CLSTN2: variants seen among roughly 807,000 people sequenced by gnomAD.
CLSTN2 encodes the protein calsyntenin-2.
Under a neutral mutation model 101.2 loss-of-function variants are expected in CLSTN2, and 48 were observed. That is an observed-to-expected ratio of 0.47 (90% CI 0.38 to 0.60). CLSTN2 has a LOEUF of 0.60. Among genes scored for constraint, CLSTN2 ranks in the 20% least tolerant of loss-of-function variants. The pLI is 0.00. For missense variants in CLSTN2, 1,160 were observed against 1,238.2 expected, an observed-to-expected ratio of 0.94 and a Z score of 0.95; for synonymous variants, 481 against 463.6, an observed-to-expected ratio of 1.04 and a Z score of -0.48.
chr3:140,410,381 A>G (rs1324724901), intron 4 of CLSTN2, among the ~76,000 whole-genome samples: 2 of 148,856 alleles, frequency 1.3e-5, no homozygotes, highest in East Asian at 2.0e-4. Flanking sequence ...AAATAATAGA[A>G]TTATATATTT....
chr3:140,465,978 G>A (rs538515525), intron 7 of CLSTN2, among the ~76,000 whole-genome samples: 1 of 152,292 alleles, frequency 6.6e-6, no homozygotes, highest in East Asian at 1.9e-4. Flanking sequence ...AGCAGGAAAG[G>A]AAGTTTCTAC....
intron 1 of CLSTN2, among the ~76,000 whole-genome samples, chr3:139,981,353 G>A (rs1170392133): frequency 6.6e-6 from 1 of 152,176 alleles, no homozygotes; most frequent in Non-Finnish European, 1.5e-5. Context: ...TAAAGTTTAA[G>A]CTTCTTCACA....
At chr3:140,394,925 C>T (rs536222460) in intron 2 of CLSTN2, among the ~76,000 whole-genome samples, 99 of 152,248 alleles carry the variant, frequency 6.5e-4, no homozygotes, top group African/African-American at 2.4e-3. Flanking sequence ...ATTCCAGAAC[C>T]ACTGGGCACC....
rs148933671 is a variant in CLSTN2, at chr3:140,574,067, A to G, written c.*7814A>G. ...GACTTAGCTATTGTGGCACCACGGG[A>G]GCCTAGCACTGCACCTGGCCCATGA... On this transcript the variant is annotated 3_prime_UTR_variant, in exon 17 of 17. Transcript: ENST00000458420. The G allele has an allele frequency of 5.3e-5, 8 of 152,336 alleles. No individual in the cohort carries two copies. The highest frequency in any genetic ancestry group is 1.7e-4 in the African/African-American group (7 of 41,576). 9.4% of individuals were successfully genotyped at this position (152,336 alleles called of 1,614,324 possible). A position where few individuals can be genotyped will look rare whatever the true frequency, so the allele number is the denominator to read the frequency against.
In CLSTN2 at chr3:140,372,527, G is replaced by C. The variant is rs139737338; in HGVS notation, c.233-31102G>C. On this transcript the variant is annotated intron_variant, in intron 2 of 16. Coordinates refer to ENST00000458420, the MANE Select transcript of CLSTN2 (RefSeq NM_022131.3). ...CAGTAACATTAGGCGATGTGGTGTTGCCAGCTGTGATGCACTAAAATTCCC... is the reference window on the plus strand; with the variant it reads ...CAGTAACATTAGGCGATGTGGTGTTCCCAGCTGTGATGCACTAAAATTCCC... 3.0e-3 allele frequency among the ~76,000 whole-genome samples: 455 copies of C among 152,182 alleles called. 3 individuals are homozygous for C. Among genetic ancestry groups the C allele is most frequent in the Middle Eastern group, 0.014 (4 of 294 alleles).
Position 140,566,318 on chromosome 3 carries a change from T to TGTAA in CLSTN2, c.*67_*68insAAGT. ...TAAACCCTGACCCAGTGTATGCCCA[T>TGTAA]GTCTATCATACCTCACCTCTGATGT... On this transcript the variant is annotated 3_prime_UTR_variant, in exon 17 of 17. Transcript: ENST00000458420. 1 of 1,442,358 alleles carries TGTAA rather than the reference T, an allele frequency of 6.9e-7. No homozygotes were observed. The highest frequency in any genetic ancestry group is 9.5e-7 in the Non-Finnish European group (1 of 1,050,174). 89.3% of individuals were successfully genotyped at this position (1,442,358 alleles called of 1,614,324 possible).
At chr3:140,261,701 CGT>C (rs754106665) in intron 2 of CLSTN2, among the ~76,000 whole-genome samples, 4 of 151,618 alleles carry the variant, frequency 2.6e-5, no homozygotes, top group Admixed American at 1.3e-4. Flanking sequence ...ACATATTGTA[CGT>C]GTGTGTGTGT....
chr3:140,343,670 C>T (rs2087513490), intron 2 of CLSTN2, among the ~76,000 whole-genome samples: 1 of 152,138 alleles, frequency 6.6e-6, no homozygotes, highest in South Asian at 2.1e-4. Context: ...CTGGAAGTTC[C>T]AGACAAAATA....
At chr3:140,312,644 C>A (rs1428868673) in intron 2 of CLSTN2, among the ~76,000 whole-genome samples, 3 of 152,160 alleles carry the variant, frequency 2.0e-5, no homozygotes, top group Admixed American at 6.5e-5. Context: ...ATGTTGTTAG[C>A]ATTGTCAGGA....
At chr3:139,961,236 C>T (rs2107814614) in intron 1 of CLSTN2, among the ~76,000 whole-genome samples, 1 of 152,294 alleles carries the variant, frequency 6.6e-6, no homozygotes, top group African/African-American at 2.4e-5. Context: ...TCACATCCCC[C>T]CACCCCCAGG....
intron 2 of CLSTN2, among the ~76,000 whole-genome samples, chr3:140,350,083 G>T (rs867557138): frequency 6.6e-6 from 1 of 152,294 alleles, no homozygotes; most frequent in Admixed American, 6.5e-5. Context: ...TTTACTACAC[G>T]CACACCTTGC....
At chr3:140,459,477 A>G in intron 6 of CLSTN2, 44 bp from the exon 7 acceptor site, 2 of 1,605,758 alleles carry the variant, frequency 1.2e-6, no homozygotes, top group Non-Finnish European at 1.7e-6. Flanking sequence ...AGATGAGGAC[A>G]CCGCATCATG....
chr3:140,101,054 A>G (rs1332677920), intron 1 of CLSTN2, among the ~76,000 whole-genome samples: 1 of 152,216 alleles, frequency 6.6e-6, no homozygotes, highest in Non-Finnish European at 1.5e-5. Context: ...CTGGGGTCAC[A>G]CTGGGTGGGC....
At chr3:140,457,667 C>T (rs1933437530) in intron 6 of CLSTN2, among the ~76,000 whole-genome samples, 1 of 152,122 alleles carries the variant, frequency 6.6e-6, no homozygotes, top group African/African-American at 2.4e-5. Context: ...TGATGAGAGG[C>T]GTGGAGCGTG....
intron 2 of CLSTN2, among the ~76,000 whole-genome samples, chr3:140,227,374 G>A (rs2086331247): frequency 6.6e-6 from 1 of 152,198 alleles, no homozygotes; most frequent in African/African-American, 2.4e-5. Context: ...TCACATCCAG[G>A]TCAAGCTGAT....
intron 1 of CLSTN2, among the ~76,000 whole-genome samples, chr3:140,036,475 C>T (rs1044171110): frequency 2.0e-5 from 3 of 151,988 alleles, no homozygotes; most frequent in Non-Finnish European, 4.4e-5. Context: ...CTAGTTGATA[C>T]TTTTGTTTGA....
chr3:140,141,706 C>T lies in CLSTN2; in HGVS notation c.110-34245C>T, dbSNP rs78889772. The stretch of plus-strand genomic sequence containing the variant: ...CTTATGCTGCCCGGGAACCCAGCCT[C>T]TAGCCCTCCTCAGACCTGGCACATG... On this transcript the variant is annotated intron_variant, in intron 1 of 16. Coordinates refer to ENST00000458420, the MANE Select transcript of CLSTN2 (RefSeq NM_022131.3). Among the ~76,000 whole-genome samples, 942 of 152,314 alleles carry T rather than the reference C, an allele frequency of 6.2e-3. 4 individuals carry two copies. The highest frequency in any genetic ancestry group is 0.02 in the African/African-American group (814 of 41,556).
At chr3:140,138,408 C>G (rs764717033) in intron 1 of CLSTN2, among the ~76,000 whole-genome samples, 2 of 152,150 alleles carry the variant, frequency 1.3e-5, no homozygotes, top group African/African-American at 4.8e-5. Flanking sequence ...ATCCAGCCAC[C>G]AGGCCAGTGC....
At chr3:140,205,946 G>A (rs910260555) in intron 2 of CLSTN2, among the ~76,000 whole-genome samples, 1 of 152,088 alleles carries the variant, frequency 6.6e-6, no homozygotes, top group African/African-American at 2.4e-5. Flanking sequence ...TGAGGGCTGG[G>A]AGCTCCATCT....
Sources: gnomAD v4.1 joint callset for allele counts (sites outside exome capture counted in the v4.1 genomes callset) on GRCh38, gnomAD v4.1.1 for gene constraint, MANE v1.5 for transcripts, NCBI Gene and HGNC (gene_info 2026-07-23, HGNC 2026-07-21) for gene names.